PCDH11X: variants seen among roughly 807,000 people sequenced by gnomAD.
PCDH11X encodes protocadherin-11 X-linked.
Under a neutral mutation model 53.3 loss-of-function variants are expected in PCDH11X, and 18 were observed. The ratio of observed to expected loss-of-function variants is 0.34; its 90% CI spans 0.23 to 0.50. The LOEUF (loss-of-function observed/expected upper bound fraction) is 0.50, where lower values mean the gene tolerates loss of function less well. PCDH11X is among the 20% of genes least tolerant of loss of function. The pLI, the probability that PCDH11X is intolerant of heterozygous loss-of-function variation, is 0.98. For missense variants in PCDH11X, 570 were observed against 1,032.4 expected (o/e 0.55, Z 6.14); for synonymous variants, 279 against 393.3 (o/e 0.71, Z 3.44).
At chrX:91,909,735 G>A (rs2054184483) in intron 6 of PCDH11X, among the ~76,000 whole-genome samples, 1 of 109,028 alleles carries the variant, frequency 9.2e-6, no homozygotes, top group Admixed American at 9.9e-5. Context: ...TATTTTGTCT[G>A]TAAACGTGGC....
intron 6 of PCDH11X, among the ~76,000 whole-genome samples, chrX:92,139,092 TCTC>T (rs2065131260): frequency 9.3e-6 from 1 of 107,063 alleles, no homozygotes; most frequent in Non-Finnish European, 1.9e-5. Flanking sequence ...TATTTTCACC[TCTC>T]CTCTTTGATT....
intron 7 of PCDH11X, among the ~76,000 whole-genome samples, chrX:92,255,666 A>G (rs915888711): frequency 2.7e-5 from 3 of 110,605 alleles, no homozygotes; most frequent in African/African-American, 9.9e-5. Context: ...AACAGACAGG[A>G]CCCTCAGCTG....
intron 7 of PCDH11X, among the ~76,000 whole-genome samples, chrX:92,215,111 C>T (rs1283586752): frequency 9.0e-6 from 1 of 111,226 alleles, no homozygotes; most frequent in African/African-American, 3.3e-5. Context: ...TCTACAGCTC[C>T]CAGCGTGAGC....
intron 5 of PCDH11X, among the ~76,000 whole-genome samples, chrX:91,876,434 C>A (rs1380907235): frequency 9.0e-6 from 1 of 111,169 alleles, no homozygotes; most frequent in Non-Finnish European, 1.9e-5. Context: ...ACTTAAATAG[C>A]TCACATAAAT....
intron 6 of PCDH11X, among the ~76,000 whole-genome samples, chrX:92,077,995 G>A (rs754866327): frequency 1.8e-5 from 2 of 110,025 alleles, no homozygotes; most frequent in East Asian, 5.7e-4. Context: ...GCTTTATAAA[G>A]AATATTACTG....
At chrX:92,234,414 T>C (rs1471315654) in intron 7 of PCDH11X, among the ~76,000 whole-genome samples, 1 of 112,145 alleles carries the variant, frequency 8.9e-6, no homozygotes, top group Non-Finnish European at 1.9e-5. Context: ...AAATGATGCA[T>C]TATTAAGGCA....
rs777719244 is a variant in PCDH11X at position 92,497,719 on chromosome X, G to A, written c.3367+29397G>A. On this transcript the variant is annotated intron_variant, in intron 10 of 10. Transcript: ENST00000682573. ...GTGTTTATATATATTTAGTAATTAT[G>A]AAAATGGAAACTAGTTATTTTCTGA... 4.5e-5 allele frequency among the ~76,000 whole-genome samples: 5 copies of A among 110,708 alleles called. No individual in the cohort carries two copies. In the South Asian group the frequency reaches 1.5e-3, roughly 34 times the overall value.
chrX:92,180,411 C>A, intron 6 of PCDH11X, among the ~76,000 whole-genome samples: 1 of 111,419 alleles, frequency 9.0e-6, no homozygotes, highest in East Asian at 2.8e-4. Flanking sequence ...CTCTCCTTTA[C>A]TGCATCTTCC....
chrX:92,612,890 T>A (rs1013745045), intron 10 of PCDH11X, among the ~76,000 whole-genome samples: 3 of 110,470 alleles, frequency 2.7e-5, no homozygotes, highest in Non-Finnish European at 3.8e-5. Flanking sequence ...TTTTTGTTGT[T>A]ATTGCTTTAA....
intron 7 of PCDH11X, among the ~76,000 whole-genome samples, chrX:92,252,955 A>G (rs143654702): frequency 0.012 from 1,367 of 110,930 alleles, 15 homozygotes; most frequent in Non-Finnish European, 0.02. Flanking sequence ...ACAAGGATAC[A>G]CACTCTGTAA....
At position 92,100,621 on chromosome X, in the gene PCDH11X, C is replaced by T. The variant is rs113573040; in HGVS notation, c.3034-100754C>T. Among the ~76,000 whole-genome samples the T allele has an allele frequency of 1.8e-5, 2 of 110,204 alleles. 1 individual carries two copies. Among genetic ancestry groups the T allele is most frequent in the Admixed American group, 1.9e-4 (2 of 10,386 alleles). ...TCTTTTGTGATTCTTCAGTTACTTC[C>T]GGCCATCTGGTCGTATCCGTGCAAG... On this transcript the variant is annotated intron_variant, in intron 6 of 10. Transcript: ENST00000682573.
chrX:92,254,550 T>A (rs998552197), intron 7 of PCDH11X, among the ~76,000 whole-genome samples: 1 of 109,764 alleles, frequency 9.1e-6, no homozygotes, highest in Non-Finnish European at 1.9e-5. Context: ...GGTCTTTACA[T>A]TTTGGCATGA....
At chrX:91,958,395 G>T (rs76039203) in intron 6 of PCDH11X, among the ~76,000 whole-genome samples, 294 of 111,610 alleles carry the variant, frequency 2.6e-3, no homozygotes, top group Non-Finnish European at 4.0e-3. Context: ...GTTCCTGGGT[G>T]TCTGTGTGTG....
chrX:92,101,399 A>G (rs946075598), intron 6 of PCDH11X, among the ~76,000 whole-genome samples: 13 of 111,591 alleles, frequency 1.2e-4, no homozygotes, highest in Admixed American at 2.9e-4. Flanking sequence ...AGGGAAAGTG[A>G]TAAAAGTATT....
At chrX:92,274,502 C>T (rs1345555780) in intron 8 of PCDH11X, among the ~76,000 whole-genome samples, 1 of 111,002 alleles carries the variant, frequency 9.0e-6, no homozygotes, top group South Asian at 3.8e-4. Flanking sequence ...TAGGAAAGGA[C>T]TCTACCTGTC....
intron 6 of PCDH11X, among the ~76,000 whole-genome samples, chrX:92,139,116 G>A (rs112336872): frequency 0.028 from 2,917 of 106,010 alleles, 147 homozygotes; most frequent in African/African-American, 0.098. Flanking sequence ...GGTAATGTAA[G>A]TAAACATTTT....
In PCDH11X at chrX:91,811,281, T is replaced by C; in HGVS notation, c.-59T>C. ...AGGACTGAACGACAGTGGGTTTTAATTCAGATATTTCAAGGTGAGTTTCAT... is the reference window on the plus strand; with the variant it reads ...AGGACTGAACGACAGTGGGTTTTAACTCAGATATTTCAAGGTGAGTTTCAT... On this transcript the variant is annotated 5_prime_UTR_variant, in exon 4 of 11. Transcript: ENST00000682573. The C allele has an allele frequency of 8.3e-7, 1 of 1,205,678 alleles. No homozygotes were observed. Among genetic ancestry groups the C allele is most frequent in the Non-Finnish European group, 1.1e-6 (1 of 890,632 alleles).
rs113091836 is a variant in PCDH11X at position 92,551,641 on chromosome X, A to G, written c.3368-66623A>G. On this transcript the variant is annotated intron_variant, in intron 10 of 10. Transcript: ENST00000682573. ...AAATTTTTGCCCAGACCAATGTCCT[A>G]GAGAGTTTCTCCAATGTTTTCTTGT... Among the ~76,000 whole-genome samples the G allele has an allele frequency of 2.9e-3, 319 of 109,076 alleles. 1 individual carries two copies. Among genetic ancestry groups the G allele is most frequent in the Middle Eastern group, 0.014 (3 of 213 alleles). The allele number at this position is 109,076 out of a possible 115,157, so 94.7% of individuals were successfully genotyped here. A position where few individuals can be genotyped will look rare whatever the true frequency, so the allele number is the denominator to read the frequency against.
At chrX:92,340,345 CCCAG>C (rs2069724741) in intron 8 of PCDH11X, among the ~76,000 whole-genome samples, 1 of 111,657 alleles carries the variant, frequency 9.0e-6, no homozygotes, top group Non-Finnish European at 1.9e-5. Context: ...TAGGCAATGC[CCCAG>C]TAGGGACTCT....
Sources: allele counts gnomAD v4.1 joint callset (sites outside exome capture counted in the v4.1 genomes callset), GRCh38; gene constraint gnomAD v4.1.1; transcripts MANE v1.5; gene names NCBI Gene and HGNC (gene_info 2026-07-23, HGNC 2026-07-21).